The following RBMS3 variants were observed in gnomAD, a reference collection of about 807,000 sequenced individuals.
RBMS3 encodes the protein RNA binding motif single stranded interacting protein 3.
In RBMS3, 27 loss-of-function variants were observed where a neutral mutation model predicts 66.8. The observed-to-expected ratio is 0.40, with a 90% CI of 0.30 to 0.56. RBMS3 has a LOEUF of 0.56. Ranked by LOEUF, RBMS3 falls within the 20% of genes least tolerant of loss-of-function variation. The pLI, the probability that RBMS3 is intolerant of heterozygous loss-of-function variation, is 0.40. For synonymous variants in RBMS3, 188 were observed against 183.0 expected (o/e 1.03, Z -0.22); for missense variants, 513 against 549.5 (o/e 0.93, Z 0.66).
intron 1 of RBMS3, among the ~76,000 whole-genome samples, chr3:29,369,524 A>G (rs2038084487): frequency 8.1e-6 from 1 of 123,244 alleles, no homozygotes; most frequent in South Asian, 2.5e-4. Flanking sequence ...ACACACACAC[A>G]CACACACACT....
chr3:29,572,984 G>A (rs1214471316), intron 3 of RBMS3, among the ~76,000 whole-genome samples: 1 of 151,848 alleles, frequency 6.6e-6, no homozygotes, highest in Non-Finnish European at 1.5e-5. Flanking sequence ...TTCATAATTC[G>A]ATCTTGGTGG....
intron 1 of RBMS3, among the ~76,000 whole-genome samples, chr3:29,380,376 A>T (rs2038706407): frequency 6.6e-6 from 1 of 152,176 alleles, no homozygotes; most frequent in Non-Finnish European, 1.5e-5. Flanking sequence ...ACTATCTTTT[A>T]TATGCTGCTG....
At chr3:29,880,239 T>G (rs1446644479) in intron 7 of RBMS3, among the ~76,000 whole-genome samples, 1 of 152,210 alleles carries the variant, frequency 6.6e-6, no homozygotes, top group Non-Finnish European at 1.5e-5. Flanking sequence ...TACCCCACTT[T>G]ATTTTAAATA....
intron 7 of RBMS3, among the ~76,000 whole-genome samples, chr3:29,874,526 G>T (rs966385570): frequency 6.6e-6 from 1 of 152,132 alleles, no homozygotes; most frequent in Non-Finnish European, 1.5e-5. Context: ...AACACTGCCA[G>T]GTTCTGCAAA....
chr3:29,324,944 C>T (rs1372393065), intron 1 of RBMS3, among the ~76,000 whole-genome samples: 1 of 151,952 alleles, frequency 6.6e-6, no homozygotes, highest in East Asian at 1.9e-4. Flanking sequence ...AAACTAGATC[C>T]CAGTTAATGG....
At chr3:29,473,876 C>T (rs891431643) in intron 2 of RBMS3, among the ~76,000 whole-genome samples, 18 of 152,264 alleles carry the variant, frequency 1.2e-4, no homozygotes, top group Admixed American at 5.9e-4. Flanking sequence ...TTCCCGCTCG[C>T]GCCTCTCCCT....
At chr3:29,387,574 C>T (rs2039063698) in intron 1 of RBMS3, among the ~76,000 whole-genome samples, 1 of 152,076 alleles carries the variant, frequency 6.6e-6, no homozygotes, top group Non-Finnish European at 1.5e-5. Context: ...TCCCCACAAT[C>T]TGTTCTCCAC....
intron 6 of RBMS3, among the ~76,000 whole-genome samples, chr3:29,841,613 T>C (rs536976954): frequency 5.1e-4 from 77 of 151,966 alleles, no homozygotes; most frequent in Non-Finnish European, 1.0e-3. Flanking sequence ...GCTCAATAGG[T>C]ATTAGCTGAA....
At chr3:29,397,460 C>T (rs937788415) in intron 1 of RBMS3, among the ~76,000 whole-genome samples, 3 of 152,060 alleles carry the variant, frequency 2.0e-5, no homozygotes, top group South Asian at 2.1e-4. Flanking sequence ...TGGTTTTAAA[C>T]GCTTACTGTG....
At chr3:29,890,463 C>T (rs2059974176) in intron 8 of RBMS3, among the ~76,000 whole-genome samples, 1 of 151,576 alleles carries the variant, frequency 6.6e-6, no homozygotes, top group Admixed American at 6.6e-5. Context: ...AGCCTGGTCC[C>T]ATTTTACATA....
At chr3:29,355,834 C>G (rs996181483) in intron 1 of RBMS3, among the ~76,000 whole-genome samples, 2 of 152,074 alleles carry the variant, frequency 1.3e-5, no homozygotes, top group Non-Finnish European at 2.9e-5. Flanking sequence ...TCTTATGTTT[C>G]TGGTTCAGTG....
At chr3:29,532,830 A>G (rs766801400) in intron 3 of RBMS3, among the ~76,000 whole-genome samples, 36 of 152,188 alleles carry the variant, frequency 2.4e-4, no homozygotes, top group Non-Finnish European at 5.3e-4. Flanking sequence ...AAGTAATGTA[A>G]CACATTTATG....
chr3:29,867,600 C>T (rs2059393453), intron 6 of RBMS3, among the ~76,000 whole-genome samples: 2 of 149,128 alleles, frequency 1.3e-5, no homozygotes, highest in African/African-American at 5.0e-5. Context: ...GTTCACATAT[C>T]CATGCAGAGG....
rs550638233 is a variant in RBMS3 at position 29,602,974 on chromosome 3, T to G, written c.399+15769T>G. ...TCTAGGTCACGTTCCCCTTTTTATC[T>G]GTTCTCATAGAACCTTCTTCATTAT... On this transcript the variant is annotated intron_variant, in intron 4 of 14. Coordinates refer to ENST00000383767, the MANE Select transcript of RBMS3 (RefSeq NM_001003793.3). Among the ~76,000 whole-genome samples the G allele has an allele frequency of 2.7e-5, 4 of 148,300 alleles. No individual in the cohort carries two copies. In the Admixed American group the frequency reaches 2.7e-4, roughly 10 times the overall value.
At chr3:29,736,726 A>G (rs963371451) in intron 4 of RBMS3, among the ~76,000 whole-genome samples, 1 of 152,164 alleles carries the variant, frequency 6.6e-6, no homozygotes, top group Non-Finnish European at 1.5e-5. Context: ...ATCACATCAT[A>G]AGAAAGTTGT....
chr3:29,359,215 C>T lies in RBMS3; in HGVS notation c.76-75528C>T, dbSNP rs189561385. 5.1e-3 allele frequency among the ~76,000 whole-genome samples: 769 copies of T among 152,234 alleles called. 4 individuals carry two copies. Among genetic ancestry groups the T allele is most frequent in the African/African-American group, 0.018 (728 of 41,542 alleles). ...AAATAGCTCTTATTATTTTGAGATA[C>T]ATCCCATCAATACCTAATTTATTGA... On this transcript the variant is annotated intron_variant, in intron 1 of 14. Coordinates refer to ENST00000383767, the MANE Select transcript of RBMS3 (RefSeq NM_001003793.3).
intron 1 of RBMS3, among the ~76,000 whole-genome samples, chr3:29,404,311 A>T (rs1207364561): frequency 1.3e-5 from 2 of 152,130 alleles, no homozygotes; most frequent in Non-Finnish European, 2.9e-5. Context: ...TTTTTGGGAC[A>T]GTGGTTTACC....
intron 4 of RBMS3, among the ~76,000 whole-genome samples, chr3:29,723,835 G>A (rs1267182579): frequency 6.6e-6 from 1 of 152,156 alleles, no homozygotes. Context: ...GCATTTTAAT[G>A]TACTGCAGGT....
chr3:29,635,805 T>A (rs943999239), intron 4 of RBMS3, among the ~76,000 whole-genome samples: 12 of 151,870 alleles, frequency 7.9e-5, no homozygotes, highest in Admixed American at 7.9e-4. Flanking sequence ...GGTATAATCC[T>A]AATTAACTGT....
Sources: gnomAD v4.1 joint callset for allele counts (sites outside exome capture counted in the v4.1 genomes callset) on GRCh38, gnomAD v4.1.1 for gene constraint, MANE v1.5 for transcripts, NCBI Gene and HGNC (gene_info 2026-07-23, HGNC 2026-07-21) for gene names.